Variants in MOB3B observed in about 807,000 individuals in gnomAD.
MOB3B encodes the protein MOB kinase activator-like 2B.
In MOB3B, 7 loss-of-function variants were observed where a neutral mutation model predicts 18.7. The observed-to-expected ratio is 0.37, with a 90% CI of 0.21 to 0.70. MOB3B has a LOEUF of 0.70. Ranked by LOEUF, MOB3B falls within the 30% of genes least tolerant of loss-of-function variation. MOB3B has a pLI of 0.52. For synonymous variants in MOB3B, 111 were observed against 99.9 expected, an observed-to-expected ratio of 1.11 and a Z score of -0.66; for missense variants, 253 against 281.3, an observed-to-expected ratio of 0.90 and a Z score of 0.72.
At chr9:27,513,325 T>A (rs1820174135) in intron 1 of MOB3B, among the ~76,000 whole-genome samples, 1 of 152,178 alleles carries the variant, frequency 6.6e-6, no homozygotes, top group Non-Finnish European at 1.5e-5. Context: ...TACTGAAATA[T>A]CTGCCCTCAA....
chr9:27,479,171 C>G (rs1018007168), intron 1 of MOB3B, among the ~76,000 whole-genome samples: 1 of 152,088 alleles, frequency 6.6e-6, no homozygotes, highest in African/African-American at 2.4e-5. Flanking sequence ...CTGGGAAGTC[C>G]AAGAGCAAGG....
chr9:27,417,397 A>AAAC (rs72150569), intron 2 of MOB3B, among the ~76,000 whole-genome samples: 1 of 151,864 alleles, frequency 6.6e-6, no homozygotes. Context: ...ACAAACAAAC[A>AAAC]AACAAACAAA....
intron 2 of MOB3B, among the ~76,000 whole-genome samples, chr9:27,428,798 G>C (rs1293946514): frequency 6.6e-6 from 1 of 152,182 alleles, no homozygotes; most frequent in Admixed American, 6.5e-5. Context: ...ATGTGGGCTG[G>C]AACAATGGTA....
chr9:27,365,935 A>G (rs981765301), intron 2 of MOB3B, among the ~76,000 whole-genome samples: 1 of 152,248 alleles, frequency 6.6e-6, no homozygotes, highest in Admixed American at 6.5e-5. Flanking sequence ...GCCTAAGCAG[A>G]GGCCAGAATC....
chr9:27,459,953 T>A (rs1224312186), intron 1 of MOB3B, among the ~76,000 whole-genome samples: 1 of 151,596 alleles, frequency 6.6e-6, no homozygotes, highest in Non-Finnish European at 1.5e-5. Context: ...TGTCATGAAC[T>A]GCACCCATGA....
chr9:27,341,933 T>C (rs958701852), intron 3 of MOB3B, among the ~76,000 whole-genome samples: 4 of 152,234 alleles, frequency 2.6e-5, no homozygotes, highest in Non-Finnish European at 4.4e-5. Flanking sequence ...CACCTGTTTT[T>C]GTATGGCCCA....
At chr9:27,455,037 G>A in intron 2 of MOB3B, 96 bp downstream of exon 2, 2 of 1,294,440 alleles carry the variant, frequency 1.5e-6, no homozygotes, top group Non-Finnish European at 2.2e-6. Context: ...TGGGATTAAT[G>A]CATGGGTGCT....
intron 2 of MOB3B, among the ~76,000 whole-genome samples, chr9:27,382,448 T>C (rs535883453): frequency 4.6e-5 from 7 of 152,248 alleles, no homozygotes; most frequent in Admixed American, 3.3e-4. Flanking sequence ...GCTAGAAAGA[T>C]GTGTGCTGTT....
intron 1 of MOB3B, among the ~76,000 whole-genome samples, chr9:27,463,735 C>T (rs1303987072): frequency 6.6e-6 from 1 of 152,128 alleles, no homozygotes; most frequent in Admixed American, 6.6e-5. Context: ...CTGAGCCAGG[C>T]TGATTGCTTG....
chr9:27,493,219 A>C (rs1819846504), intron 1 of MOB3B, among the ~76,000 whole-genome samples: 1 of 152,168 alleles, frequency 6.6e-6, no homozygotes, highest in Non-Finnish European at 1.5e-5. Context: ...CCCCAAACGG[A>C]GGGACCGGCT....
chr9:27,358,547 G>T (rs1181287576), intron 3 of MOB3B, among the ~76,000 whole-genome samples: 1 of 152,154 alleles, frequency 6.6e-6, no homozygotes, highest in Non-Finnish European at 1.5e-5. Flanking sequence ...CTTATTTAGG[G>T]CTTAACTTCT....
chr9:27,483,694 T>G (rs1819696383), intron 1 of MOB3B, among the ~76,000 whole-genome samples: 1 of 152,126 alleles, frequency 6.6e-6, no homozygotes, highest in African/African-American at 2.4e-5. Context: ...TAATGTGAGG[T>G]GTGGGTGCAC....
chr9:27,499,554 C>T lies in MOB3B; in HGVS notation c.-199+30001G>A, dbSNP rs989363428. On this transcript the variant is annotated intron_variant, in intron 1 of 3. Coordinates refer to ENST00000262244, the MANE Select transcript of MOB3B (RefSeq NM_024761.5). ...AATGTATATTTCAAAATGAGTAACT[C>T]ACATATTCACAGCACTGTCCAAATT... Among the ~76,000 whole-genome samples, 4 of 152,264 alleles carry T rather than the reference C, an allele frequency of 2.6e-5. No individual in the cohort carries two copies. The East Asian group carries it at 7.7e-4, about 29-fold the overall frequency.
chr9:27,360,871 G>C (rs1034625431), intron 2 of MOB3B, among the ~76,000 whole-genome samples: 1 of 152,190 alleles, frequency 6.6e-6, no homozygotes, highest in African/African-American at 2.4e-5. Context: ...GGAGCTGACT[G>C]CCTGGGCAAC....
At chr9:27,454,420 A>G (rs1822838677) in intron 2 of MOB3B, among the ~76,000 whole-genome samples, 1 of 152,236 alleles carries the variant, frequency 6.6e-6, no homozygotes, top group Admixed American at 6.5e-5. Flanking sequence ...CTACGGCATA[A>G]AACACTAAAT....
chr9:27,445,799 A>G (rs1822680925), intron 2 of MOB3B, among the ~76,000 whole-genome samples: 1 of 152,076 alleles, frequency 6.6e-6, no homozygotes, highest in Non-Finnish European at 1.5e-5. Context: ...CATTAGGGTA[A>G]TCTTCAGCTG....
At chr9:27,524,488 T>G in intron 1 of MOB3B, 1 of 1,614,148 alleles carries the variant, frequency 6.2e-7, no homozygotes, top group Non-Finnish European at 8.5e-7. Flanking sequence ...CTGAGTAGTA[T>G]GAGCAATTCA....
chr9:27,392,396 T>C (rs1280380644), intron 2 of MOB3B, among the ~76,000 whole-genome samples: 1 of 152,200 alleles, frequency 6.6e-6, no homozygotes, highest in East Asian at 1.9e-4. Context: ...CAAAATGGTA[T>C]ACCGTAGTAG....
intron 1 of MOB3B, 76 bp downstream of exon 1, chr9:27,529,479 C>T (rs1820497498): frequency 1.1e-6 from 1 of 936,230 alleles, no homozygotes; most frequent in Admixed American, 6.2e-5. Context: ...ACCTCGCCGC[C>T]CGCCCGGGCG....
Sources: gnomAD v4.1 joint callset for allele counts (sites outside exome capture counted in the v4.1 genomes callset) on GRCh38, gnomAD v4.1.1 for gene constraint, MANE v1.5 for transcripts, NCBI Gene and HGNC (gene_info 2026-07-23, HGNC 2026-07-21) for gene names.